The following DAB1 variants were observed in gnomAD, a reference collection of about 807,000 sequenced individuals.
DAB1 encodes disabled homolog 1.
DAB1 carries 15 observed loss-of-function variants against 64.6 expected under a neutral mutation model. That is an observed-to-expected ratio of 0.23 (90% CI 0.16 to 0.36). DAB1 has a LOEUF of 0.36. Ranked by LOEUF, DAB1 falls within the 10% of genes least tolerant of loss-of-function variation. The pLI, the probability that DAB1 is intolerant of heterozygous loss-of-function variation, is 1.00. For missense variants in DAB1, 596 were observed against 706.7 expected, an observed-to-expected ratio of 0.84 and a Z score of 1.78; for synonymous variants, 235 against 251.9, an observed-to-expected ratio of 0.93 and a Z score of 0.64.
At chr1:57,927,476 A>C (rs1644895371) in intron 5 of DAB1, among the ~76,000 whole-genome samples, 4 of 152,090 alleles carry the variant, frequency 2.6e-5, no homozygotes. Flanking sequence ...GCACCACTGC[A>C]CTCCACCCTG....
At chr1:58,495,982 G>A (rs888092654) in intron 3 of DAB1, among the ~76,000 whole-genome samples, 1 of 152,012 alleles carries the variant, frequency 6.6e-6, no homozygotes, top group African/African-American at 2.4e-5. Flanking sequence ...TGTCATTTCA[G>A]GGCTTCCCAT....
chr1:57,290,938 TA>T (rs760665948), intron 2 of DAB1, 25 bp downstream of exon 2: 19 of 1,573,524 alleles, frequency 1.2e-5, no homozygotes, highest in East Asian at 4.5e-5. Context: ...AAGTAGCCAT[TA>T]AAAAAAGGTC....
intron 3 of DAB1, among the ~76,000 whole-genome samples, chr1:58,503,331 G>C (rs760236533): frequency 3.0e-4 from 45 of 152,164 alleles, no homozygotes; most frequent in Non-Finnish European, 4.1e-4. Flanking sequence ...CTCAGTACAA[G>C]TCAGTTACTG....
At chr1:57,648,524 C>G (rs1447892133) in intron 7 of DAB1, among the ~76,000 whole-genome samples, 1 of 152,168 alleles carries the variant, frequency 6.6e-6, no homozygotes, top group Non-Finnish European at 1.5e-5. Context: ...ATTTGAGTCC[C>G]TCAGAGTAAT....
chr1:57,168,370 C>T (rs1340604651), intron 2 of DAB1, among the ~76,000 whole-genome samples: 1 of 152,196 alleles, frequency 6.6e-6, no homozygotes, highest in Non-Finnish European at 1.5e-5. Context: ...TTGTGGAGAT[C>T]ACAGTCTTTC....
At chr1:57,519,333 A>C (rs1321404435) in intron 7 of DAB1, among the ~76,000 whole-genome samples, 1 of 152,214 alleles carries the variant, frequency 6.6e-6, no homozygotes, top group African/African-American at 2.4e-5. Flanking sequence ...GCCCTGACCC[A>C]GACACCAGCT....
chr1:57,111,722 G>A (rs915175150), intron 4 of DAB1, among the ~76,000 whole-genome samples: 3 of 152,092 alleles, frequency 2.0e-5, no homozygotes, highest in African/African-American at 2.4e-5. Context: ...TTATTTACAT[G>A]GTTATTGCCT....
chr1:57,958,759 C>T (rs1471103784), intron 5 of DAB1, among the ~76,000 whole-genome samples: 1 of 152,202 alleles, frequency 6.6e-6, no homozygotes, highest in Admixed American at 6.5e-5. Flanking sequence ...AGGCCTCCCT[C>T]CTTGGCTTGT....
rs113316752 is a variant in DAB1, at chr1:58,520,159, C to T, written n.107+7102G>A. Among the ~76,000 whole-genome samples, 1,201 of 152,220 alleles carry T rather than the reference C, an allele frequency of 7.9e-3. 15 individuals carry two copies. The highest frequency in any genetic ancestry group is 0.027 in the African/African-American group (1,120 of 41,538). ...ACCTTTTGGGTACCATGCTCACTAC[C>T]TCGGGGAGAGGATCATTTGTACACC... On this transcript the variant is annotated intron_variant and non_coding_transcript_variant, in intron 2 of 20. Transcript: ENST00000485760.
chr1:57,691,674 C>T (rs1646766081), intron 6 of DAB1, among the ~76,000 whole-genome samples: 1 of 152,134 alleles, frequency 6.6e-6, no homozygotes, highest in Non-Finnish European at 1.5e-5. Context: ...ACTCTGGACA[C>T]ACCATCTTTA....
chr1:57,535,788 A>G (rs905532131), intron 7 of DAB1, among the ~76,000 whole-genome samples: 1 of 152,136 alleles, frequency 6.6e-6, no homozygotes, highest in Non-Finnish European at 1.5e-5. Context: ...ACACTCAGCC[A>G]TAGTGCTACC....
At chr1:58,007,001 T>C (rs1570214707) in intron 5 of DAB1, among the ~76,000 whole-genome samples, 1 of 152,188 alleles carries the variant, frequency 6.6e-6, no homozygotes, top group African/African-American at 2.4e-5. Context: ...AATAACTCAT[T>C]CTACATCTCA....
At chr1:57,393,287 G>A (rs1340177049) in intron 1 of DAB1, among the ~76,000 whole-genome samples, 1 of 152,162 alleles carries the variant, frequency 6.6e-6, no homozygotes, top group African/African-American at 2.4e-5. Context: ...AGTCATTACT[G>A]CCAGTGATTC....
Position 57,540,128 on chromosome 1 carries a change from T to G in DAB1, n.625+109464A>C, listed in dbSNP as rs1298411769. 2.0e-5 allele frequency among the ~76,000 whole-genome samples: 3 copies of G among 152,226 alleles called. No homozygotes were observed. In the South Asian group the frequency reaches 6.2e-4, roughly 32 times the overall value. On this transcript the variant is annotated intron_variant and non_coding_transcript_variant, in intron 7 of 20. Coordinates refer to the DAB1 transcript ENST00000485760. ...CGATTTTTTAAAATTGTGGTATTAC[T>G]TCCATCTACTCTTCTAAACGCAGAT...
At chr1:57,030,258 C>A (rs1646926247) in intron 9 of DAB1, among the ~76,000 whole-genome samples, 1 of 152,214 alleles carries the variant, frequency 6.6e-6, no homozygotes, top group Non-Finnish European at 1.5e-5. Context: ...TTCTGCCTCT[C>A]CCCAGACAAG....
At chr1:58,028,298 G>A (rs1191330240) in intron 5 of DAB1, among the ~76,000 whole-genome samples, 1 of 152,126 alleles carries the variant, frequency 6.6e-6, no homozygotes, top group Non-Finnish European at 1.5e-5. Flanking sequence ...TGTTTTATGT[G>A]TTTCTGTTTA....
intron 2 of DAB1, among the ~76,000 whole-genome samples, chr1:57,196,102 T>G (rs1664601177): frequency 6.6e-6 from 1 of 152,122 alleles, no homozygotes; most frequent in Non-Finnish European, 1.5e-5. Context: ...TTGGAAGTGA[T>G]GGATGTTTTG....
chr1:57,915,573 C>G (rs531287962), intron 5 of DAB1, among the ~76,000 whole-genome samples: 91 of 152,270 alleles, frequency 6.0e-4, no homozygotes, highest in South Asian at 1.9e-3. Context: ...CAATTCCCCC[C>G]CAGCTCATCT....
intron 7 of DAB1, among the ~76,000 whole-genome samples, chr1:57,561,112 G>T (rs1248217836): frequency 6.6e-6 from 1 of 152,160 alleles, no homozygotes; most frequent in Non-Finnish European, 1.5e-5. Context: ...AATGCCCATG[G>T]TCTCCATTTC....
Sources: allele counts gnomAD v4.1 joint callset (sites outside exome capture counted in the v4.1 genomes callset), GRCh38; gene constraint gnomAD v4.1.1; transcripts MANE v1.5; gene names NCBI Gene and HGNC (gene_info 2026-07-23, HGNC 2026-07-21).